NAV1: variants seen among roughly 807,000 people sequenced by gnomAD.
NAV1 encodes the protein pore membrane and/or filament interacting like protein 3.
Under a neutral mutation model 175.2 loss-of-function variants are expected in NAV1, and 18 were observed. The observed-to-expected ratio is 0.10, with a 90% CI of 0.07 to 0.15. The LOEUF (loss-of-function observed/expected upper bound fraction) is 0.15. Ranked by LOEUF, NAV1 falls within the 10% of genes least tolerant of loss-of-function variation. The pLI is 1.00. For missense variants in NAV1, 1,731 were observed against 2,436.6 expected (o/e 0.71, Z 6.10); for synonymous variants, 897 against 978.7 (o/e 0.92, Z 1.56).
At position 201,596,792 on chromosome 1, in the gene NAV1, TG is replaced by T. The variant is rs531460771; in HGVS notation, c.-33+8144del. Among the ~76,000 whole-genome samples the T allele has an allele frequency of 8.9e-4, 135 of 151,736 alleles. 1 individual carries two copies. Among genetic ancestry groups the T allele is most frequent in the African/African-American group, 3.1e-3 (129 of 41,282 alleles). ...AAGATGTTGGACAAGCAGGGCGGGT[TG>T]TTTTTTTAGTTTGTTTGTTTTTTGT... On this transcript the variant is annotated intron_variant, in intron 2 of 33. Coordinates refer to the NAV1 transcript ENST00000685211.
At position 201,740,099 on chromosome 1, in the gene NAV1, C is replaced by G; in HGVS notation, c.1226+21344C>G. ...CAGGTAAGCGCCCCCACCCCCCTGG[C>G]CTCACCGCCAGACCGCAGAGCTGGG... On this transcript the variant is annotated intron_variant, in intron 3 of 29. Coordinates refer to ENST00000367296, the Ensembl canonical transcript of NAV1. The surrounding 1 kb of genome is among the most constrained non-coding windows in gnomAD (Gnocchi z 4.7). 7 of 1,436,512 alleles carry G rather than the reference C, an allele frequency of 4.9e-6. No homozygotes were observed. Among genetic ancestry groups the G allele is most frequent in the Non-Finnish European group, 6.4e-6 (7 of 1,094,038 alleles). 89.0% of individuals were successfully genotyped at this position (1,436,512 alleles called of 1,614,324 possible). A position where few individuals can be genotyped will look rare whatever the true frequency, so the allele number is the denominator to read the frequency against.
chr1:201,644,921 C>G (rs537572187), upstream of NAV1, among the ~76,000 whole-genome samples: 124 of 152,162 alleles, frequency 8.1e-4, no homozygotes, highest in Non-Finnish European at 1.3e-3. Context: ...AGCAAGATAA[C>G]CAGGAAGGCA....
At position 201,808,100 on chromosome 1, in the gene NAV1, C is replaced by A. The variant is rs751331499; in HGVS notation, c.3796C>A (p.Pro1266Thr). The change falls in exon 18 of 30, where the codon CCC becomes ACC. Residue 1266 changes from proline (P) to threonine (T), a missense_variant. By Grantham distance (38) the Pro-to-Thr change is conservative. This residue lies in a region of NAV1 where 146 missense variants were observed against 176.8 expected (regional missense o/e 0.83). Transcript: ENST00000367296. This position sits in a 1 kb window ranked among gnomAD's most constrained non-coding sequence, Gnocchi z 5.5. ...GCATGGTTCTACAGAGACTGCTTCA[C>A]CCTCCATCAAGTCCTCCACCTCGTC... The A allele has an allele frequency of 6.2e-7, 1 of 1,614,218 alleles. No homozygotes were observed. Among genetic ancestry groups the A allele is most frequent in the Non-Finnish European group, 8.5e-7 (1 of 1,180,046 alleles).
intron 1 of NAV1, among the ~76,000 whole-genome samples, chr1:201,560,505 G>C (rs907699710): frequency 5.3e-5 from 8 of 152,206 alleles, no homozygotes; most frequent in African/African-American, 1.7e-4. Flanking sequence ...CAACAGGCAA[G>C]AGCCCAGTGA....
At chr1:201,784,670 G>A (rs1341607693) in intron 7 of NAV1, among the ~76,000 whole-genome samples, 1 of 150,174 alleles carries the variant, frequency 6.7e-6, no homozygotes, top group African/African-American at 2.5e-5. Context: ...CCCGGGAGCT[G>A]CAACTACAGG....
chr1:201,727,432 T>C (rs562534241), intron 3 of NAV1, among the ~76,000 whole-genome samples: 1 of 152,314 alleles, frequency 6.6e-6, no homozygotes, highest in East Asian at 1.9e-4. Flanking sequence ...ATCTGTGGTT[T>C]GGGGTGAGTA....
chr1:201,789,610 A>C (rs1313289921), intron 10 of NAV1, 130 bp from the exon 15 acceptor site: 4 of 824,510 alleles, frequency 4.9e-6, no homozygotes, highest in African/African-American at 1.7e-5. Flanking sequence ...TGGGTTCCCT[A>C]CTCTGTTCTT....
At chr1:201,635,387 T>C (rs1027860239) in intron 2 of NAV1, among the ~76,000 whole-genome samples, 3 of 151,456 alleles carry the variant, frequency 2.0e-5, no homozygotes, top group African/African-American at 7.4e-5. Context: ...GTTCCAGGTG[T>C]TATTCTAGAA....
rs1029087903 is a variant in NAV1, at chr1:201,634,882, C to T, written c.4+5375C>T. Among the ~76,000 whole-genome samples the T allele has an allele frequency of 5.3e-5, 8 of 152,172 alleles. No individual in the cohort carries two copies. In the South Asian group the frequency reaches 1.3e-3, roughly 24 times the overall value. Reference sequence around the variant, plus strand: ...GAGTGCTCCACATATAGTACAAATCCCTTGCTCTCCAGATCCTGATTGTGG... The same window carrying T: ...GAGTGCTCCACATATAGTACAAATCTCTTGCTCTCCAGATCCTGATTGTGG... On this transcript the variant is annotated intron_variant, in intron 2 of 29. Transcript: ENST00000367302.
At chr1:201,606,529 T>G (rs556073224) in intron 2 of NAV1, among the ~76,000 whole-genome samples, 2 of 152,314 alleles carry the variant, frequency 1.3e-5, no homozygotes, top group African/African-American at 4.8e-5. Flanking sequence ...GAAGAGCATC[T>G]TTGCGTCTCC....
rs1005756756 is a variant in NAV1 at position 201,819,816 on chromosome 1, C to T, written c.5539-21C>T. 3.7e-6 allele frequency: 6 copies of T among 1,609,726 alleles called. No homozygotes were observed. The African/African-American group carries it at 6.7e-5, about 18-fold the overall frequency. The stretch of plus-strand genomic sequence containing the variant: ...CCCAGAGTCCCAACTCTCATAAATC[C>T]ATCTTTTTGCCCCCCTTTAGATGGC... On this transcript the variant is annotated intron_variant, in intron 29 of 29. Transcript: ENST00000367296.
At position 201,718,702 on chromosome 1, in the gene NAV1, C is replaced by T. The variant is rs138601626; in HGVS notation, c.1173C>T (p.Ser391=). The T allele has an allele frequency of 4.3e-6, 7 of 1,613,974 alleles. No individual in the cohort carries two copies. The highest frequency in any genetic ancestry group is 5.1e-6 in the Non-Finnish European group (6 of 1,180,008). Reference sequence around the variant, plus strand: ...TGGACCTCAAGTCCGGCTACATGAGCGACAGTGACCTCATGGGCAAGACCA... The same window carrying T: ...TGGACCTCAAGTCCGGCTACATGAGTGACAGTGACCTCATGGGCAAGACCA... The change falls in exon 3 of 30, where the codon AGC becomes AGT. Residue 391 remains serine (S), a synonymous_variant. Coordinates refer to ENST00000367296, the Ensembl canonical transcript of NAV1. This position sits in a 1 kb window ranked among gnomAD's most constrained non-coding sequence, Gnocchi z 4.8.
rs1671479321 is a variant in NAV1 at position 201,702,676 on chromosome 1, CTCTCTCTCTCTCTCTCTCTCT to C, written c.758-10140_758-10120del. The stretch of plus-strand genomic sequence containing the variant: ...GGGTGAATTTTGGTATGTGAATTCT[CTCTCTCTCTCTCTCTCTCTCT>C]CTCTCTCTCTCTCTCTCTCTCTCTC... On this transcript the variant is annotated intron_variant, in intron 1 of 29. Transcript: ENST00000367296. Among the ~76,000 whole-genome samples, 39 of 125,670 alleles carry C rather than the reference CTCTCTCTCTCTCTCTCTCTCT, an allele frequency of 3.1e-4. 1 individual carries two copies. The highest frequency in any genetic ancestry group is 9.1e-4 in the African/African-American group (28 of 30,648). The allele number at this position is 125,670 out of a possible 152,430, so 82.4% of individuals were successfully genotyped here.
At chr1:201,624,298 G>T (rs1571850928) in intron 1 of NAV1, among the ~76,000 whole-genome samples, 1 of 143,280 alleles carries the variant, frequency 7.0e-6, no homozygotes, top group African/African-American at 2.6e-5. Context: ...GACACTGCAA[G>T]TTGATTGCAT....
chr1:201,662,924 A>G (rs1197112230), intron 1 of NAV1, among the ~76,000 whole-genome samples: 1 of 152,264 alleles, frequency 6.6e-6, no homozygotes, highest in Non-Finnish European at 1.5e-5. Context: ...GGGAGAGTTT[A>G]TTAAAGGAAC....
intron 1 of NAV1, among the ~76,000 whole-genome samples, chr1:201,656,609 A>C (rs1256017743): frequency 6.6e-6 from 1 of 152,166 alleles, no homozygotes; most frequent in East Asian, 1.9e-4. Context: ...CATGGCACAA[A>C]CCCCTAGAAC....
intron 1 of NAV1, chr1:201,673,150 C>A (rs1670109834): frequency 6.6e-6 from 1 of 152,196 alleles, no homozygotes; most frequent in Non-Finnish European, 1.5e-5. Flanking sequence ...TGTGAGAATG[C>A]AATAAAAGTT....
At chr1:201,598,586 C>T (rs1288343850) in intron 2 of NAV1, among the ~76,000 whole-genome samples, 2 of 152,212 alleles carry the variant, frequency 1.3e-5, no homozygotes, top group East Asian at 1.9e-4. Context: ...GGCAGGACCA[C>T]AGGACCAACT....
At chr1:201,801,768 C>T (rs1571506749) in intron 15 of NAV1, among the ~76,000 whole-genome samples, 2 of 152,116 alleles carry the variant, frequency 1.3e-5, no homozygotes, top group African/African-American at 4.8e-5. Context: ...TTTTAAAAAT[C>T]AGATAATATT....
Sources: gnomAD v4.1 joint callset for allele counts (sites outside exome capture counted in the v4.1 genomes callset) on GRCh38, gnomAD v4.1.1 for gene constraint, gnomAD v4.1.1 regional missense constraint, Gnocchi (gnomAD v3.1) non-coding constraint, MANE v1.5 for transcripts, NCBI Gene and HGNC (gene_info 2026-07-23, HGNC 2026-07-21) for gene names.